Variants in RALGAPA1 observed in about 807,000 individuals in gnomAD.
The protein encoded by RALGAPA1 is Ral GTPase activating protein catalytic subunit alpha 1.
RALGAPA1 carries 52 observed loss-of-function variants against 269.6 expected under a neutral mutation model. The observed-to-expected ratio is 0.19, with a 90% CI of 0.15 to 0.24. RALGAPA1 has a LOEUF of 0.24. RALGAPA1 is among the 10% of genes least tolerant of loss of function. The pLI, the probability that RALGAPA1 is intolerant of heterozygous loss-of-function variation, is 1.00. For missense variants in RALGAPA1, 1,917 were observed against 3,013.9 expected, an observed-to-expected ratio of 0.64 and a Z score of 8.52; for synonymous variants, 817 against 1,008.3, an observed-to-expected ratio of 0.81 and a Z score of 3.60.
intron 16 of RALGAPA1, among the ~76,000 whole-genome samples, chr14:35,705,214 T>C (rs2067698993): frequency 2.0e-5 from 3 of 152,160 alleles, no homozygotes; most frequent in Admixed American, 2.0e-4. Flanking sequence ...GTTTATGTAG[T>C]ACCTTCTATG....
At chr14:35,595,324 T>C (rs1467139303) in intron 37 of RALGAPA1, among the ~76,000 whole-genome samples, 2 of 152,124 alleles carry the variant, frequency 1.3e-5, no homozygotes, top group African/African-American at 2.4e-5. Context: ...ATGATAGATA[T>C]GTTAATTTGC....
intron 31 of RALGAPA1, among the ~76,000 whole-genome samples, chr14:35,648,324 G>C (rs996350275): frequency 1.3e-5 from 2 of 151,556 alleles, no homozygotes; most frequent in African/African-American, 4.9e-5. Context: ...AAATTAGTTG[G>C]GCATGGTGGC....
chr14:35,636,650 A>G (rs913961163), intron 31 of RALGAPA1, among the ~76,000 whole-genome samples: 2 of 152,118 alleles, frequency 1.3e-5, no homozygotes, highest in Non-Finnish European at 2.9e-5. Flanking sequence ...CCACCTAAGT[A>G]ACTGGGATTA....
At chr14:35,763,209 A>T (rs979448802) in intron 4 of RALGAPA1, among the ~76,000 whole-genome samples, 9 of 152,206 alleles carry the variant, frequency 5.9e-5, no homozygotes, top group African/African-American at 1.4e-4. Flanking sequence ...TTTTCTTTTA[A>T]ATTATGAAAT....
intron 39 of RALGAPA1, among the ~76,000 whole-genome samples, chr14:35,563,043 A>T (rs999580591): frequency 6.7e-5 from 10 of 149,042 alleles, no homozygotes; most frequent in African/African-American, 2.5e-4. Context: ...AAAAAAAAAA[A>T]AAAAAGAATC....
intron 31 of RALGAPA1, among the ~76,000 whole-genome samples, chr14:35,642,065 C>T (rs1050311768): frequency 4.6e-5 from 7 of 152,138 alleles, no homozygotes; most frequent in Non-Finnish European, 7.4e-5. Flanking sequence ...AAAACTAGAT[C>T]CCTAACTCCT....
intron 3 of RALGAPA1, among the ~76,000 whole-genome samples, chr14:35,772,807 C>T (rs762863890): frequency 1.7e-4 from 26 of 152,266 alleles, no homozygotes; most frequent in Non-Finnish European, 3.4e-4. Context: ...AAATTCAATA[C>T]GCCTATTTCT....
In RALGAPA1 at chr14:35,683,842, G is replaced by A; in HGVS notation, c.4438C>T (p.Gln1480Ter). The A allele has an allele frequency of 6.2e-7, 1 of 1,602,562 alleles. No individual in the cohort carries two copies. Among genetic ancestry groups the A allele is most frequent in the Non-Finnish European group, 8.5e-7 (1 of 1,172,800 alleles). ...IDSETSSLNQ[Q>*]AFSAEVATIT... Reference sequence around the variant, plus strand: ...GTTGCAACTTCAGCAGAGAAAGCTTGCTGATTAAGACTGCTTGTTTCAGAA... The same window carrying A: ...GTTGCAACTTCAGCAGAGAAAGCTTACTGATTAAGACTGCTTGTTTCAGAA... Residue 1480 changes from glutamine (Q) to a stop codon, truncating the protein, a stop_gained, in exon 21 of 42, where the codon CAA becomes TAA. Transcript: ENST00000680220. LOFTEE classifies it high-confidence loss of function.
intron 17 of RALGAPA1, among the ~76,000 whole-genome samples, chr14:35,695,309 C>G (rs1345968552): frequency 6.6e-6 from 1 of 151,844 alleles, no homozygotes; most frequent in Non-Finnish European, 1.5e-5. Flanking sequence ...ATATTAATAT[C>G]CTATTCTACA....
chr14:35,793,362 C>T (rs1449528309), intron 1 of RALGAPA1, among the ~76,000 whole-genome samples: 2 of 151,908 alleles, frequency 1.3e-5, no homozygotes, highest in South Asian at 2.1e-4. Flanking sequence ...CTCAGCCTCC[C>T]GTGTAGCTGG....
chr14:35,563,245 A>T (rs183559981), intron 39 of RALGAPA1, among the ~76,000 whole-genome samples: 9 of 152,296 alleles, frequency 5.9e-5, no homozygotes, highest in Admixed American at 3.9e-4. Flanking sequence ...GGCAGTGTAA[A>T]TAATAGTTTT....
At chr14:35,584,013 T>C (rs2058114699) in intron 37 of RALGAPA1, among the ~76,000 whole-genome samples, 1 of 152,106 alleles carries the variant, frequency 6.6e-6, no homozygotes, top group African/African-American at 2.4e-5. Flanking sequence ...ATCTACATGA[T>C]GAAAGGAAGA....
At chr14:35,561,102 C>G (rs997849596) in intron 39 of RALGAPA1, among the ~76,000 whole-genome samples, 2 of 151,592 alleles carry the variant, frequency 1.3e-5, no homozygotes, top group African/African-American at 2.4e-5. Context: ...TGGCAGGCAC[C>G]TGTAATCCCA....
chr14:35,768,902 G>A (rs1435757957), intron 4 of RALGAPA1, among the ~76,000 whole-genome samples: 11 of 149,412 alleles, frequency 7.4e-5, no homozygotes. Context: ...CAGCTACTCG[G>A]GAGGCTGAGG....
intron 16 of RALGAPA1, among the ~76,000 whole-genome samples, chr14:35,702,357 C>G (rs943206770): frequency 1.3e-5 from 2 of 152,116 alleles, no homozygotes; most frequent in African/African-American, 4.8e-5. Flanking sequence ...ATTAAGGATT[C>G]TTTAAGAACA....
At chr14:35,682,393 C>T (rs1555402167) in intron 21 of RALGAPA1, among the ~76,000 whole-genome samples, 2 of 151,894 alleles carry the variant, frequency 1.3e-5, no homozygotes, top group Admixed American at 6.6e-5. Flanking sequence ...CTCTGCCTCC[C>T]GGGTTCATGC....
intron 14 of RALGAPA1, chr14:35,723,526 CATTAT>C (rs1296642189): frequency 1.6e-5 from 4 of 252,220 alleles, no homozygotes; most frequent in Non-Finnish European, 2.3e-5. Flanking sequence ...TCTTATGCTG[CATTAT>C]ATTAATGTTA....
In RALGAPA1 at chr14:35,603,395, T is replaced by TA. The variant is rs1426898919; in HGVS notation, c.7053+2190dup. On this transcript the variant is annotated intron_variant, in intron 36 of 41. Coordinates refer to ENST00000680220, the MANE Select transcript of RALGAPA1 (RefSeq NM_001346249.2). ...ATCATCTCTGTTGGGTAAAAAAGTATACTACACGTTTGACAAATAACCAAA... is the reference window on the plus strand; with the variant it reads ...ATCATCTCTGTTGGGTAAAAAAGTATAACTACACGTTTGACAAATAACCAAA... 4.6e-5 allele frequency among the ~76,000 whole-genome samples: 7 copies of TA among 152,292 alleles called. No individual in the cohort carries two copies. The East Asian group carries it at 1.3e-3, about 29-fold the overall frequency.
At chr14:35,605,472 G>T (rs2059541159) in intron 36 of RALGAPA1, 114 bp downstream of exon 36, 1 of 1,087,814 alleles carries the variant, frequency 9.2e-7, no homozygotes. Flanking sequence ...TAACAAACTA[G>T]TTGTTAAGTT....
Sources: gnomAD v4.1 joint callset for allele counts (sites outside exome capture counted in the v4.1 genomes callset) on GRCh38, gnomAD v4.1.1 for gene constraint, MANE v1.5 for transcripts, NCBI Gene and HGNC (gene_info 2026-07-23, HGNC 2026-07-21) for gene names.